SERPINA7: variants seen among roughly 807,000 people sequenced by gnomAD.
The protein encoded by SERPINA7 is thyroxine-binding globulin.
Under a neutral mutation model 16.0 loss-of-function variants are expected in SERPINA7, and 14 were observed. The ratio of observed to expected loss-of-function variants is 0.88; its 90% CI spans 0.58 to 1.37. SERPINA7 has a LOEUF of 1.37. SERPINA7 is among the 40% of genes most tolerant of loss of function. The pLI is 0.00. For missense variants in SERPINA7, 335 were observed against 296.6 expected (o/e 1.13, Z -0.95); for synonymous variants, 140 against 111.0 (o/e 1.26, Z -1.65).
chrX:106,035,509 C>G, intron 2 of SERPINA7, 124 bp from the exon 3 acceptor site: 2 of 658,441 alleles, frequency 3.0e-6, no homozygotes, highest in Non-Finnish European at 4.8e-6. Flanking sequence ...TACAGTCAAC[C>G]AGTTTTACAA....
In SERPINA7 at chrX:106,035,230, C is replaced by G. The variant is rs778682277; in HGVS notation, c.778G>C (p.Asp260His). 8.3e-7 allele frequency: 1 copy of G among 1,211,286 alleles called. No homozygotes were observed. Among genetic ancestry groups the G allele is most frequent in the Non-Finnish European group, 1.1e-6 (1 of 895,237 alleles). Residue 260 changes from aspartate to histidine, a missense_variant, in exon 3 of 5, where the codon GAC (aspartate) becomes CAC (histidine). Physicochemically the swap from Asp to His is moderately conservative, Grantham distance 81 (BLOSUM62 -1). Transcript: ENST00000372563. ...MELNCTVLQM[D>H]YSKNALALFV... ...AGTGCCAGAGCATTCTTGCTGTAGTCCATTTGCAGAACTGTGCAGTTCAAT... is the reference window on the plus strand; with the variant it reads ...AGTGCCAGAGCATTCTTGCTGTAGTGCATTTGCAGAACTGTGCAGTTCAAT...
rs1412174418 is a variant in SERPINA7, at chrX:106,036,884, C to T, written c.175G>A (p.Val59Met). The stretch of plus-strand genomic sequence containing the variant: ...AAGATGTTCTTATCTGGGGTCTCCA[C>T]AGTGAACCTCCGGTACAGATTGAAT... ...FAFNLYRRFT[V>M]ETPDKNIFFS... The change falls in exon 2 of 5, where the codon GTG becomes ATG. Residue 59 changes from valine (V) to methionine (M), a missense_variant. By Grantham distance (21) the Val-to-Met change is conservative. Transcript: ENST00000372563. 8.3e-7 allele frequency: 1 copy of T among 1,210,907 alleles called. No individual in the cohort carries two copies. Among genetic ancestry groups the T allele is most frequent in the South Asian group, 1.8e-5 (1 of 56,949 alleles).
Position 106,033,120 on chromosome X carries a change from T to A in SERPINA7, c.*380A>T, listed in dbSNP as rs1464135078. On this transcript the variant is annotated 3_prime_UTR_variant, in exon 5 of 5. Coordinates refer to ENST00000372563, the MANE Select transcript of SERPINA7 (RefSeq NM_000354.6). ...GACAATGCATCTGCATTGTTTTATG[T>A]CCATTGATCTTATTGGAGTACTGGG... is the stretch of plus-strand genomic sequence containing the variant. The A allele has an allele frequency of 3.4e-5, 8 of 232,297 alleles. No individual in the cohort carries two copies. The highest frequency in any genetic ancestry group is 5.5e-5 in the Non-Finnish European group (7 of 128,192). The allele number at this position is 232,297 out of a possible 1,213,427, so 19.1% of individuals were successfully genotyped here.
Position 106,036,715 on chromosome X carries a change from A to T in SERPINA7, c.344T>A (p.Leu115Gln). The T allele has an allele frequency of 8.3e-7, 1 of 1,211,075 alleles. No homozygotes were observed. Among genetic ancestry groups the T allele is most frequent in the Non-Finnish European group, 1.1e-6 (1 of 895,114 alleles). ...MVEIQHGFQHLICSLNFPKKE... is the reference protein window; with the variant it reads ...MVEIQHGFQHQICSLNFPKKE... ...CTTTGGAAAATTCAGTGAACAGATC[A>T]GATGCTGGAAGCCATGCTGGATCTC... Residue 115 changes from leucine (L) to glutamine (Q), a missense_variant, in exon 2 of 5, where the codon CTG (leucine) becomes CAG (glutamine). Physicochemically the swap from Leu to Gln is moderately radical, Grantham distance 113. Transcript: ENST00000372563.
chrX:106,034,743 C>T (rs183916603), intron 3 of SERPINA7, among the ~76,000 whole-genome samples: 1,337 of 111,902 alleles, frequency 0.012, 30 homozygotes, highest in African/African-American at 0.041. Flanking sequence ...AGAGTGGCTG[C>T]CCAATCACCT....
chrX:106,037,114 A>G, intron 1 of SERPINA7, 39 bp from the exon 2 acceptor site: 1 of 1,097,899 alleles, frequency 9.1e-7, no homozygotes, highest in Non-Finnish European at 1.3e-6. Context: ...GAGGGAGCTT[A>G]GTTGGATGAA....
Position 106,032,766 on chromosome X carries a change from C to T in SERPINA7, c.*734G>A, listed in dbSNP as rs2041417362. 9.0e-6 allele frequency: 1 copy of T among 110,887 alleles called. No individual in the cohort carries two copies. Among genetic ancestry groups the T allele is most frequent in the Non-Finnish European group, 1.9e-5 (1 of 52,980 alleles). 9.1% of individuals were successfully genotyped at this position (110,887 alleles called of 1,213,427 possible). A position where few individuals can be genotyped will look rare whatever the true frequency, so the allele number is the denominator to read the frequency against. On this transcript the variant is annotated 3_prime_UTR_variant, in exon 5 of 5. Transcript: ENST00000372563. The stretch of plus-strand genomic sequence containing the variant: ...TACTTAAACAAGTGGGACAGGGGTG[C>T]TATATATGGAAAGGAGTCTGATTGG...
In SERPINA7 at chrX:106,032,646, G is replaced by A. The variant is rs2041416456; in HGVS notation, c.*854C>T. 1 of 111,144 alleles carries A rather than the reference G, an allele frequency of 9.0e-6. No homozygotes were observed. The highest frequency in any genetic ancestry group is 9.6e-5 in the Admixed American group (1 of 10,415). The allele number at this position is 111,144 out of a possible 1,213,427, so 9.2% of individuals were successfully genotyped here. A position where few individuals can be genotyped will look rare whatever the true frequency, so the allele number is the denominator to read the frequency against. ...AAAATCTAGTTTGGTAGGTGGTAAT[G>A]AGTTGGCATGTACAGGTAGAGGGAA... On this transcript the variant is annotated 3_prime_UTR_variant, in exon 5 of 5. Coordinates refer to ENST00000372563, the MANE Select transcript of SERPINA7 (RefSeq NM_000354.6).
At position 106,036,672 on chromosome X, in the gene SERPINA7, C is replaced by A. The variant is rs1470726235; in HGVS notation, c.387G>T (p.Gln129His). The part of the protein sequence containing the change: ...LNFPKKELEL[Q>H]IGNALFIGKH... ...TGCCAATGAAGAGGGCATTTCCTAT[C>A]TGCAATTCCAGTTCCTTCTTTGGAA... Residue 129 changes from glutamine (Q) to histidine (H), a missense_variant, in exon 2 of 5, where the codon CAG (glutamine) becomes CAT (histidine). Transcript: ENST00000372563. 3 of 1,209,155 alleles carry A rather than the reference C, an allele frequency of 2.5e-6. No individual in the cohort carries two copies. Among genetic ancestry groups the A allele is most frequent in the Admixed American group, 2.2e-5 (1 of 45,578 alleles).
At chrX:106,036,313 G>A in intron 2 of SERPINA7, 124 bp downstream of exon 2, 1 of 720,483 alleles carries the variant, frequency 1.4e-6, no homozygotes. Flanking sequence ...TATGTCCAGT[G>A]GAGCAGATCA....
intron 2 of SERPINA7, among the ~76,000 whole-genome samples, chrX:106,035,626 A>C (rs1222357756): frequency 1.8e-5 from 2 of 111,780 alleles, no homozygotes; most frequent in African/African-American, 6.5e-5. Context: ...GTCTGTATTC[A>C]AAACTACTAT....
At chrX:106,037,099 C>A in intron 1 of SERPINA7, 24 bp from the exon 2 acceptor site, 1 of 1,170,187 alleles carries the variant, frequency 8.5e-7, no homozygotes, top group Non-Finnish European at 1.2e-6. Flanking sequence ...AGTGAGACAA[C>A]CACTGAGGGA....
Position 106,036,863 on chromosome X carries a change from T to A in SERPINA7, c.196A>T (p.Ile66Phe). ...RFTVETPDKN[I>F]FFSPVSISAA... ...GAAATGCTCACAGGGGAAAAGAAGATGTTCTTATCTGGGGTCTCCACAGTG... is the reference window on the plus strand; with the variant it reads ...GAAATGCTCACAGGGGAAAAGAAGAAGTTCTTATCTGGGGTCTCCACAGTG... Residue 66 changes from isoleucine to phenylalanine, a missense_variant, in exon 2 of 5, where the codon ATC becomes TTC. Coordinates refer to ENST00000372563, the MANE Select transcript of SERPINA7 (RefSeq NM_000354.6). 1.7e-6 allele frequency: 2 copies of A among 1,210,784 alleles called. No individual in the cohort carries two copies. Among genetic ancestry groups the A allele is most frequent in the Non-Finnish European group, 1.1e-6 (1 of 895,054 alleles).
chrX:106,036,718 T>C lies in SERPINA7; in HGVS notation c.341A>G (p.His114Arg), dbSNP rs745658999. The change falls in exon 2 of 5, where the codon CAT (histidine) becomes CGT (arginine). Residue 114 changes from histidine to arginine, a missense_variant. Coordinates refer to ENST00000372563, the MANE Select transcript of SERPINA7 (RefSeq NM_000354.6). ...TGGAAAATTCAGTGAACAGATCAGA[T>C]GCTGGAAGCCATGCTGGATCTCTAC... ...PMVEIQHGFQ[H>R]LICSLNFPKK... 3 of 1,211,270 alleles carry C rather than the reference T, an allele frequency of 2.5e-6. No individual in the cohort carries two copies. Among genetic ancestry groups the C allele is most frequent in the South Asian group, 3.5e-5 (2 of 56,977 alleles).
In SERPINA7 at chrX:106,036,730, T is replaced by C. The variant is rs868206216; in HGVS notation, c.329A>G (p.His110Arg). ...TGAACAGATCAGATGCTGGAAGCCA[T>C]GCTGGATCTCTACCATTGGAGTGTC... The part of the protein sequence containing the change: ...LTDTPMVEIQ[H>R]GFQHLICSLN... The change falls in exon 2 of 5, where the codon CAT becomes CGT. Residue 110 changes from histidine to arginine, a missense_variant. Transcript: ENST00000372563. 6 of 1,209,205 alleles carry C rather than the reference T, an allele frequency of 5.0e-6. No homozygotes were observed. The highest frequency in any genetic ancestry group is 2.3e-4 in the Middle Eastern group (1 of 4,348).
chrX:106,033,485 T>A lies in SERPINA7; in HGVS notation c.*15A>T. On this transcript the variant is annotated 3_prime_UTR_variant, in exon 5 of 5. Coordinates refer to ENST00000372563, the MANE Select transcript of SERPINA7 (RefSeq NM_000354.6). Reference sequence around the variant, plus strand: ...GCAATACACACGTGCAATTAGCCAATGGCCTTTTTCCCAACTACGCTTCCG... The same window carrying A: ...GCAATACACACGTGCAATTAGCCAAAGGCCTTTTTCCCAACTACGCTTCCG... 15 of 1,209,892 alleles carry A rather than the reference T, an allele frequency of 1.2e-5. No individual in the cohort carries two copies. The highest frequency in any genetic ancestry group is 1.7e-5 in the Non-Finnish European group (15 of 893,738).
At chrX:106,036,383 A>C in intron 2 of SERPINA7, 54 bp downstream of exon 2, 1 of 1,181,271 alleles carries the variant, frequency 8.5e-7, no homozygotes. Context: ...TCCCCTCAGC[A>C]CTCCACCCAA....
At chrX:106,038,552 A>G (rs907367943) in intron 1 of SERPINA7, 146 bp downstream of exon 1, 10 of 111,190 alleles carry the variant, frequency 9.0e-5, no homozygotes, top group Non-Finnish European at 1.7e-4. Flanking sequence ...GCTGGTAGAA[A>G]GTCAATTATT....
Position 106,036,899 on chromosome X carries a change from A to T in SERPINA7, c.160T>A (p.Tyr54Asn), listed in dbSNP as rs747282776. 1 of 1,211,436 alleles carries T rather than the reference A, an allele frequency of 8.3e-7. No individual in the cohort carries two copies. The highest frequency in any genetic ancestry group is 1.1e-6 in the Non-Finnish European group (1 of 895,224). The change falls in exon 2 of 5, where the codon TAC (tyrosine) becomes AAC (asparagine). Residue 54 changes from tyrosine (Y) to asparagine (N), a missense_variant. Coordinates refer to ENST00000372563, the MANE Select transcript of SERPINA7 (RefSeq NM_000354.6). ...SINADFAFNL[Y>N]RRFTVETPDK... ...GGGGTCTCCACAGTGAACCTCCGGT[A>T]CAGATTGAATGCAAAGTCAGCATTA... is the stretch of plus-strand genomic sequence containing the variant.
Sources: allele counts gnomAD v4.1 joint callset (sites outside exome capture counted in the v4.1 genomes callset), GRCh38; gene constraint gnomAD v4.1.1; transcripts MANE v1.5; gene names NCBI Gene and HGNC (gene_info 2026-07-23, HGNC 2026-07-21).